Variants in WDFY2 observed in about 807,000 individuals in gnomAD.
WDFY2 encodes WD repeat and FYVE domain containing 2, also known as WD repeat and FYVE domain-containing protein 2.
A neutral mutation model predicts 56.4 loss-of-function variants in WDFY2; 36 were observed. That is an observed-to-expected ratio of 0.64 (90% CI 0.49 to 0.84). The LOEUF is 0.84. Ranked by LOEUF, WDFY2 falls within the 40% of genes least tolerant of loss-of-function variation. WDFY2 has a pLI of 0.00. For synonymous variants in WDFY2, 176 were observed against 183.7 expected, an observed-to-expected ratio of 0.96 and a Z score of 0.34; for missense variants, 444 against 512.2, an observed-to-expected ratio of 0.87 and a Z score of 1.29.
At chr13:51,742,703 T>C (rs1285903573) in intron 7 of WDFY2, among the ~76,000 whole-genome samples, 1 of 152,240 alleles carries the variant, frequency 6.6e-6, no homozygotes, top group Non-Finnish European at 1.5e-5. Context: ...TAATATAACC[T>C]GACTTAAAGC....
At chr13:51,687,380 G>A (rs1175459397) in intron 3 of WDFY2, among the ~76,000 whole-genome samples, 4 of 151,862 alleles carry the variant, frequency 2.6e-5, no homozygotes, top group African/African-American at 4.8e-5. Flanking sequence ...CATGCTATGG[G>A]GAGAAATAGA....
In WDFY2 at chr13:51,719,241, G is replaced by A. The variant is rs563296555; in HGVS notation, c.378G>A (p.Leu126=). ...CGATGATCCTGTTTGTCCTGGAGCT[G>A]GAGTGGGTGCTGAGCACAGGACAGG... is the stretch of plus-strand genomic sequence containing the variant. ...RVTMILFVLE[L]EWVLSTGQDK... is the part of the protein sequence containing the mutation. Residue 126 remains leucine, a synonymous_variant, in exon 5 of 12, where the codon CTG becomes CTA. Coordinates refer to ENST00000298125, the MANE Select transcript of WDFY2 (RefSeq NM_052950.4). The A allele has an allele frequency of 6.2e-7, 1 of 1,614,214 alleles. No homozygotes were observed. The highest frequency in any genetic ancestry group is 8.5e-7 in the Non-Finnish European group (1 of 1,180,042).
At chr13:51,734,930 G>C (rs887425685) in intron 6 of WDFY2, among the ~76,000 whole-genome samples, 1 of 152,222 alleles carries the variant, frequency 6.6e-6, no homozygotes, top group Non-Finnish European at 1.5e-5. Context: ...AAGCATTGAA[G>C]CCCTGGGCTC....
intron 3 of WDFY2, among the ~76,000 whole-genome samples, chr13:51,678,110 T>C (rs964447923): frequency 5.9e-5 from 9 of 152,220 alleles, no homozygotes; most frequent in Non-Finnish European, 1.0e-4. Context: ...ATCTTTTTGT[T>C]TGTATTTTTA....
chr13:51,734,724 G>A (rs1320269676), intron 6 of WDFY2, among the ~76,000 whole-genome samples: 1 of 152,062 alleles, frequency 6.6e-6, no homozygotes, highest in Non-Finnish European at 1.5e-5. Flanking sequence ...AGAATAACTA[G>A]AAAACTTTAT....
intron 4 of WDFY2, among the ~76,000 whole-genome samples, chr13:51,716,752 A>G (rs1952361547): frequency 6.6e-6 from 1 of 150,596 alleles, no homozygotes; most frequent in Admixed American, 6.6e-5. Flanking sequence ...TACAAGAAAG[A>G]AAACTGCAGA....
intron 3 of WDFY2, among the ~76,000 whole-genome samples, chr13:51,694,411 T>G (rs1036895950): frequency 1.0e-3 from 156 of 152,334 alleles, no homozygotes; most frequent in Middle Eastern, 3.4e-3. Flanking sequence ...TTTGCTTGTC[T>G]GTAAAGTATT....
intron 4 of WDFY2, among the ~76,000 whole-genome samples, chr13:51,706,906 G>GA (rs1952094185): frequency 1.3e-5 from 2 of 151,992 alleles, no homozygotes; most frequent in African/African-American, 4.8e-5. Context: ...AAGAATCTTA[G>GA]ATAATGATCA....
At position 51,755,469 on chromosome 13, in the gene WDFY2, A is replaced by C; in HGVS notation, c.933+10A>C. ...AATTGGTCTAAGACAGGTGAGTGATATGGATGCTTCATCAAAATGTAATTA... is the reference window on the plus strand; with the variant it reads ...AATTGGTCTAAGACAGGTGAGTGATCTGGATGCTTCATCAAAATGTAATTA... On this transcript the variant is annotated intron_variant, in intron 9 of 11. Coordinates refer to ENST00000298125, the MANE Select transcript of WDFY2 (RefSeq NM_052950.4). 6.2e-7 allele frequency: 1 copy of C among 1,610,270 alleles called. No homozygotes were observed. The highest frequency in any genetic ancestry group is 8.5e-7 in the Non-Finnish European group (1 of 1,176,436).
intron 1 of WDFY2, among the ~76,000 whole-genome samples, chr13:51,635,808 A>G (rs886932709): frequency 1.8e-4 from 27 of 152,376 alleles, no homozygotes; most frequent in African/African-American, 6.5e-4. Flanking sequence ...TCTGAAAATA[A>G]TGAATGCTCA....
At chr13:51,652,900 G>A (rs998112684) in intron 1 of WDFY2, among the ~76,000 whole-genome samples, 31 of 152,084 alleles carry the variant, frequency 2.0e-4, no homozygotes, top group African/African-American at 7.2e-4. Context: ...TGCTCGTCTC[G>A]AGGAGTATCT....
intron 1 of WDFY2, among the ~76,000 whole-genome samples, chr13:51,659,284 A>G (rs550088342): frequency 6.6e-6 from 1 of 152,164 alleles, no homozygotes; most frequent in African/African-American, 2.4e-5. Flanking sequence ...CAGATATCCA[A>G]TATAATTTAA....
At chr13:51,659,882 A>T (rs935024071) in intron 1 of WDFY2, among the ~76,000 whole-genome samples, 3 of 152,222 alleles carry the variant, frequency 2.0e-5, no homozygotes, top group Non-Finnish European at 4.4e-5. Flanking sequence ...CAGATACTGC[A>T]TATTTTTTCA....
intron 3 of WDFY2, among the ~76,000 whole-genome samples, chr13:51,677,141 A>G (rs1178936523): frequency 6.6e-6 from 1 of 152,230 alleles, no homozygotes; most frequent in Admixed American, 6.5e-5. Context: ...CTTTTAGTAA[A>G]TAAAACTGCC....
chr13:51,727,898 C>G, intron 6 of WDFY2, 108 bp downstream of exon 6: 1 of 1,005,596 alleles, frequency 9.9e-7, no homozygotes, highest in South Asian at 1.6e-5. Context: ...ACAATCCATG[C>G]TTGTGCAAAG....
chr13:51,609,204 A>C (rs1269317794), intron 1 of WDFY2, among the ~76,000 whole-genome samples: 1 of 152,214 alleles, frequency 6.6e-6, no homozygotes, highest in Non-Finnish European at 1.5e-5. Flanking sequence ...TATAATCACC[A>C]TTCACGTCAA....
intron 1 of WDFY2, among the ~76,000 whole-genome samples, chr13:51,614,186 CA>C (rs771044291): frequency 0.067 from 4,085 of 61,088 alleles, 31 homozygotes; most frequent in Non-Finnish European, 0.087. Context: ...ACTCGGTCTC[CA>C]AAAAAAAAAA....
intron 1 of WDFY2, among the ~76,000 whole-genome samples, chr13:51,615,785 T>C (rs1254549896): frequency 6.6e-6 from 1 of 152,196 alleles, no homozygotes; most frequent in Non-Finnish European, 1.5e-5. Context: ...AAAAAATCTA[T>C]GTATGCATAT....
At chr13:51,612,548 A>G (rs1374671978) in intron 1 of WDFY2, among the ~76,000 whole-genome samples, 4 of 152,200 alleles carry the variant, frequency 2.6e-5, no homozygotes, top group African/African-American at 4.8e-5. Context: ...AGCTCTGTCT[A>G]TGCTTGTAGA....
Sources: gnomAD v4.1 joint callset for allele counts (sites outside exome capture counted in the v4.1 genomes callset) on GRCh38, gnomAD v4.1.1 for gene constraint, MANE v1.5 for transcripts, NCBI Gene and HGNC (gene_info 2026-07-23, HGNC 2026-07-21) for gene names.